Variants in GLYR1 observed in about 807,000 individuals in gnomAD.
GLYR1 encodes the protein cytokine-like nuclear factor N-PAC.
GLYR1 carries 21 observed loss-of-function variants against 72.7 expected under a neutral mutation model. The observed-to-expected ratio is 0.29, with a 90% CI of 0.20 to 0.42. The LOEUF is 0.42. GLYR1 is among the 10% of genes least tolerant of loss of function. The probability of loss-of-function intolerance (pLI) is 1.00; values close to 1 mark genes in which losing one functional copy is unlikely to be tolerated. For missense variants in GLYR1, 594 were observed against 712.1 expected, an observed-to-expected ratio of 0.83 and a Z score of 1.89; for synonymous variants, 392 against 270.2, an observed-to-expected ratio of 1.45 and a Z score of -4.42.
At chr16:4,809,798 C>T (rs896573807) in intron 15 of GLYR1, among the ~76,000 whole-genome samples, 1 of 151,582 alleles carries the variant, frequency 6.6e-6, no homozygotes, top group Admixed American at 6.6e-5. Context: ...GTGGTGTGTG[C>T]CTGTAATCCC....
intron 15 of GLYR1, among the ~76,000 whole-genome samples, chr16:4,808,416 G>A (rs1353053822): frequency 6.6e-6 from 1 of 151,880 alleles, no homozygotes; most frequent in Non-Finnish European, 1.5e-5. Flanking sequence ...GGCCAACATG[G>A]TGAAACCGTA....
intron 10 of GLYR1, 146 bp downstream of exon 10, chr16:4,817,452 A>G: frequency 1.7e-6 from 1 of 601,722 alleles, no homozygotes; most frequent in South Asian, 2.0e-5. Context: ...TCCTAAGTTT[A>G]GGCATCTACA....
At chr16:4,846,975 C>T in intron 1 of GLYR1, 1 of 521,248 alleles carries the variant, frequency 1.9e-6, no homozygotes. Flanking sequence ...AGTATCTGGG[C>T]CCCGAGTGCA....
At chr16:4,806,232 G>A (rs920695080) in intron 15 of GLYR1, among the ~76,000 whole-genome samples, 6 of 152,222 alleles carry the variant, frequency 3.9e-5, no homozygotes, top group African/African-American at 1.2e-4. Context: ...CCCCCACACA[G>A]AATGGCAGCA....
chr16:4,826,749 A>G (rs892667870), intron 5 of GLYR1, among the ~76,000 whole-genome samples: 10 of 152,216 alleles, frequency 6.6e-5, no homozygotes, highest in Non-Finnish European at 1.3e-4. Context: ...AGCATCTCAC[A>G]CAATAGGGTG....
At chr16:4,812,783 G>A (rs571473543) in intron 12 of GLYR1, among the ~76,000 whole-genome samples, 4 of 151,310 alleles carry the variant, frequency 2.6e-5, no homozygotes, top group African/African-American at 4.9e-5. Context: ...GAGCCACCAC[G>A]CCTGGCCGGA....
In GLYR1 at chr16:4,805,204, G is replaced by C. The variant is rs948287100; in HGVS notation, c.*32C>G. On this transcript the variant is annotated 3_prime_UTR_variant, in exon 16 of 16. Transcript: ENST00000321919. ...GTGAGGAAGAGGGGGTCAGAGGGGG[G>C]ATTGGAGGGGTGAGGGCGGGGTGTC... The C allele has an allele frequency of 6.3e-6, 10 of 1,595,382 alleles. No individual in the cohort carries two copies. Among genetic ancestry groups the C allele is most frequent in the Non-Finnish European group, 8.6e-6 (10 of 1,163,900 alleles).
rs545974359 is a variant in GLYR1 at position 4,806,176 on chromosome 16, C to T, written c.1588-866G>A. 5.3e-5 allele frequency among the ~76,000 whole-genome samples: 8 copies of T among 152,214 alleles called. No individual in the cohort carries two copies. The South Asian group carries it at 1.0e-3, about 20-fold the overall frequency. On this transcript the variant is annotated intron_variant, in intron 15 of 15. Coordinates refer to ENST00000321919, the MANE Select transcript of GLYR1 (RefSeq NM_032569.4). ...ACCTGAGGAGGAGCTATGTCACTGG[C>T]GTCTGGTGGGTGGGCTACCCAACAT...
At chr16:4,823,508 A>G (rs1274278390) in intron 6 of GLYR1, among the ~76,000 whole-genome samples, 3 of 152,200 alleles carry the variant, frequency 2.0e-5, no homozygotes, top group Non-Finnish European at 4.4e-5. Flanking sequence ...ATTAGGGGAA[A>G]AAAACTTGTG....
chr16:4,815,676 C>T (rs960540025), intron 10 of GLYR1, among the ~76,000 whole-genome samples: 1 of 152,182 alleles, frequency 6.6e-6, no homozygotes, highest in Non-Finnish European at 1.5e-5. Context: ...AGCAAGCTCT[C>T]CTATTATGCC....
chr16:4,826,964 A>G (rs574078586), intron 5 of GLYR1, among the ~76,000 whole-genome samples: 6 of 152,294 alleles, frequency 3.9e-5, no homozygotes, highest in African/African-American at 1.4e-4. Context: ...TCCTCGTGTG[A>G]GTATGGGATT....
chr16:4,838,814 C>T (rs1034280352), intron 3 of GLYR1, among the ~76,000 whole-genome samples: 1 of 152,104 alleles, frequency 6.6e-6, no homozygotes, highest in Non-Finnish European at 1.5e-5. Context: ...GTCTTGATCT[C>T]CTGACCTCGT....
Position 4,842,724 on chromosome 16 carries a change from G to T in GLYR1, c.155+2350C>A. 4.6e-5 allele frequency among the ~76,000 whole-genome samples: 7 copies of T among 152,012 alleles called. No individual in the cohort carries two copies. In the Middle Eastern group the frequency reaches 0.02, roughly 443 times the overall value. ...TAATCTTTATTTATTTTTTGAGACA[G>T]AGTCTCGCTCTGTCACCCAGACTGG... On this transcript the variant is annotated intron_variant, in intron 3 of 15. Coordinates refer to ENST00000321919, the MANE Select transcript of GLYR1 (RefSeq NM_032569.4).
intron 3 of GLYR1, among the ~76,000 whole-genome samples, chr16:4,837,956 TAA>T (rs1477486204): frequency 6.7e-6 from 1 of 150,272 alleles, no homozygotes; most frequent in African/African-American, 2.4e-5. Flanking sequence ...AATAAATAAA[TAA>T]ATAAATAAAT....
At position 4,811,191 on chromosome 16, in the gene GLYR1, G is replaced by A. The variant is rs1176754614; in HGVS notation, c.1566C>T (p.Pro522=). Residue 522 remains proline (P), a synonymous_variant, in exon 15 of 16, where the codon CCC becomes CCT. Transcript: ENST00000321919. ...CTACCTCATTTGCTGCAGCTGCCAT[G>A]GGAGTCGGATGGTTGACCGCATCAC... is the stretch of plus-strand genomic sequence containing the variant. ...ALGDAVNHPT[P]MAAAANEVYK... is the part of the protein sequence containing the mutation. 9 of 1,614,008 alleles carry A rather than the reference G, an allele frequency of 5.6e-6. No homozygotes were observed. The highest frequency in any genetic ancestry group is 7.6e-6 in the Non-Finnish European group (9 of 1,180,018).
intron 15 of GLYR1, among the ~76,000 whole-genome samples, chr16:4,808,923 G>A (rs1328558009): frequency 6.6e-6 from 1 of 152,060 alleles, no homozygotes; most frequent in Non-Finnish European, 1.5e-5. Context: ...CTATAATTGT[G>A]CCACTGCACT....
In GLYR1 at chr16:4,833,643, CAA is replaced by C. The variant is rs112227653; in HGVS notation, c.156-733_156-732del. Among the ~76,000 whole-genome samples the C allele has an allele frequency of 2.6e-3, 332 of 128,828 alleles. 2 individuals are homozygous for C. Among genetic ancestry groups the C allele is most frequent in the African/African-American group, 8.9e-3 (311 of 34,844 alleles). The allele number at this position is 128,828 out of a possible 152,430, so 84.5% of individuals were successfully genotyped here. A position where few individuals can be genotyped will look rare whatever the true frequency, so the allele number is the denominator to read the frequency against. On this transcript the variant is annotated intron_variant, in intron 3 of 15. Transcript: ENST00000321919. ...GATGGCATGCTGTTTTATGATGTCT[CAA>C]AAAAAAAAAAAAATAGAAACAAGAT...
intron 2 of GLYR1, 39 bp from the exon 3 acceptor site, chr16:4,845,192 A>C: frequency 7.0e-7 from 1 of 1,436,824 alleles, no homozygotes; most frequent in South Asian, 1.1e-5. Context: ...GGCTGGCAAC[A>C]CAGCAGCCCA....
chr16:4,804,855 G>A lies in GLYR1; in HGVS notation c.*381C>T, dbSNP rs1596288547. 4.1e-6 allele frequency: 1 copy of A among 243,128 alleles called. No homozygotes were observed. The highest frequency in any genetic ancestry group is 8.3e-6 in the Non-Finnish European group (1 of 120,312). 15.1% of individuals were successfully genotyped at this position (243,128 alleles called of 1,614,324 possible). A position where few individuals can be genotyped will look rare whatever the true frequency, so the allele number is the denominator to read the frequency against. On this transcript the variant is annotated 3_prime_UTR_variant, in exon 16 of 16. Coordinates refer to ENST00000321919, the MANE Select transcript of GLYR1 (RefSeq NM_032569.4). Reference sequence around the variant, plus strand: ...CTGATTCTAGTTCCTTGACTGGAAGGGGTTTGAGATAAGACAAGCTCGGAA... The same window carrying A: ...CTGATTCTAGTTCCTTGACTGGAAGAGGTTTGAGATAAGACAAGCTCGGAA...
Sources: allele counts gnomAD v4.1 joint callset (sites outside exome capture counted in the v4.1 genomes callset), GRCh38; gene constraint gnomAD v4.1.1; transcripts MANE v1.5; gene names NCBI Gene and HGNC (gene_info 2026-07-23, HGNC 2026-07-21).